CDH22: variants seen among roughly 807,000 people sequenced by gnomAD.
The protein encoded by CDH22 is cadherin 22, also known as cadherin-22.
CDH22 carries 30 observed loss-of-function variants against 58.4 expected under a neutral mutation model. That is an observed-to-expected ratio of 0.51 (90% CI 0.38 to 0.70). The LOEUF (loss-of-function observed/expected upper bound fraction) is 0.70, where lower values mean the gene tolerates loss of function less well. Ranked by LOEUF, CDH22 falls within the 30% of genes least tolerant of loss-of-function variation. CDH22 has a pLI of 0.00. For synonymous variants in CDH22, 513 were observed against 558.2 expected (o/e 0.92, Z 1.14); for missense variants, 1,014 against 1,233.9 (o/e 0.82, Z 2.67).
At chr20:46,291,190 T>A (rs1373463123) in intron 1 of CDH22, among the ~76,000 whole-genome samples, 3 of 152,058 alleles carry the variant, frequency 2.0e-5, no homozygotes, top group Non-Finnish European at 2.9e-5. Context: ...GGTAGGGGAA[T>A]CACTTGAACC....
chr20:46,210,225 C>CCTCCCCT lies in CDH22; in HGVS notation c.1286+75_1286+81dup. Reference sequence around the variant, plus strand: ...CTTCGGCCCTGCCCGCCCCAGCCCTCCTCCCCTCTGCCCGCAGTCTGTCCG... The same window carrying CCTCCCCT: ...CTTCGGCCCTGCCCGCCCCAGCCCTCCTCCCCTCTCCCCTCTGCCCGCAGTCTGTCCG... On this transcript the variant is annotated intron_variant, in intron 7 of 11. Transcript: ENST00000537909. This position sits in a 1 kb window ranked among gnomAD's most constrained non-coding sequence, Gnocchi z 4.5. 7.6e-7 allele frequency: 1 copy of CCTCCCCT among 1,308,442 alleles called. No homozygotes were observed. The highest frequency in any genetic ancestry group is 1.8e-5 in the South Asian group (1 of 54,086). 81.1% of individuals were successfully genotyped at this position (1,308,442 alleles called of 1,614,324 possible). A position where few individuals can be genotyped will look rare whatever the true frequency, so the allele number is the denominator to read the frequency against.
chr20:46,298,829 A>G lies in CDH22; in HGVS notation c.-400+9426T>C, dbSNP rs557121789. On this transcript the variant is annotated intron_variant, in intron 1 of 11. Coordinates refer to ENST00000537909, the MANE Select transcript of CDH22 (RefSeq NM_021248.3). ...CAGACACCAGGCCTGAGACTTTGTC[A>G]TATTTCATTCCACCCTCTCCCTTAT... Among the ~76,000 whole-genome samples the G allele has an allele frequency of 1.1e-4, 16 of 152,258 alleles. No homozygotes were observed. In the South Asian group the frequency reaches 3.3e-3, roughly 32 times the overall value.
At chr20:46,227,831 T>C (rs1413660601) in intron 3 of CDH22, among the ~76,000 whole-genome samples, 1 of 152,170 alleles carries the variant, frequency 6.6e-6, no homozygotes, top group Non-Finnish European at 1.5e-5. Context: ...GGCGCAAGTG[T>C]GACCATGGAG....
intron 1 of CDH22, among the ~76,000 whole-genome samples, chr20:46,290,198 A>G (rs993011079): frequency 6.6e-6 from 1 of 152,186 alleles, no homozygotes; most frequent in Admixed American, 6.5e-5. Flanking sequence ...TATTTATTAG[A>G]TTTTCAAAGC....
At chr20:46,208,886 C>A (rs996322691) in intron 7 of CDH22, among the ~76,000 whole-genome samples, 4 of 152,242 alleles carry the variant, frequency 2.6e-5, no homozygotes, top group Admixed American at 6.5e-5. Flanking sequence ...AGCCACCACA[C>A]CCGGCCTCTA....
intron 11 of CDH22, 74 bp from the exon 12 acceptor site, chr20:46,175,151 T>G (rs1481911351): frequency 3.6e-5 from 50 of 1,393,542 alleles, no homozygotes; most frequent in Middle Eastern, 4.0e-4. Flanking sequence ...CTACCCCATC[T>G]CCTCCCGCCT....
At position 46,197,367 on chromosome 20, in the gene CDH22, C is replaced by T. The variant is rs184972887; in HGVS notation, c.1423+2056G>A. ...TGTTTGTGGAGGAGTACCCCTCCCC[C>T]GATTCTGTCTCCTATGAAATGGCAG... On this transcript the variant is annotated intron_variant, in intron 8 of 11. Coordinates refer to ENST00000537909, the MANE Select transcript of CDH22 (RefSeq NM_021248.3). Among the ~76,000 whole-genome samples the T allele has an allele frequency of 4.0e-5, 6 of 151,844 alleles. No homozygotes were observed. The East Asian group carries it at 9.7e-4, about 24-fold the overall frequency.
intron 1 of CDH22, among the ~76,000 whole-genome samples, chr20:46,301,343 C>T (rs1387539377): frequency 6.6e-6 from 1 of 151,882 alleles, no homozygotes; most frequent in African/African-American, 2.4e-5. Context: ...TTTGTTACAA[C>T]CATTTTCTAG....
At position 46,178,586 on chromosome 20, in the gene CDH22, C is replaced by CTTTTTTTTTTTTTTTTTTT. The variant is rs33937889; in HGVS notation, c.1664-408_1664-390dup. Among the ~76,000 whole-genome samples, 37 of 95,338 alleles carry CTTTTTTTTTTTTTTTTTTT rather than the reference C, an allele frequency of 3.9e-4. 1 individual carries two copies. The highest frequency in any genetic ancestry group is 7.8e-4 in the South Asian group (2 of 2,564). 62.5% of individuals were successfully genotyped at this position (95,338 alleles called of 152,430 possible). A position where few individuals can be genotyped will look rare whatever the true frequency, so the allele number is the denominator to read the frequency against. ...GCCAAGGTCCTGTCCCTGGCGTTGT[C>CTTTTTTTTTTTTTTTTTTT]TTTTTTTTTTTTTTTTTTTTTGCCA... On this transcript the variant is annotated intron_variant, in intron 10 of 11. Coordinates refer to ENST00000537909, the MANE Select transcript of CDH22 (RefSeq NM_021248.3).
chr20:46,177,861 C>T, intron 11 of CDH22, 85 bp downstream of exon 11: 1 of 1,515,790 alleles, frequency 6.6e-7, no homozygotes, highest in Non-Finnish European at 9.0e-7. Flanking sequence ...GAAGCTGAGG[C>T]CCCATGGGGG....
At chr20:46,207,666 C>T (rs983799928) in intron 7 of CDH22, among the ~76,000 whole-genome samples, 6 of 152,156 alleles carry the variant, frequency 3.9e-5, no homozygotes, top group African/African-American at 1.4e-4. Flanking sequence ...CCTCTGAGGC[C>T]CTGTTAGACT....
At chr20:46,179,860 G>A (rs908090593) in intron 10 of CDH22, among the ~76,000 whole-genome samples, 7 of 152,082 alleles carry the variant, frequency 4.6e-5, no homozygotes, top group African/African-American at 7.2e-5. Context: ...TGCTGCACCC[G>A]CTGCCGGCTC....
intron 1 of CDH22, among the ~76,000 whole-genome samples, chr20:46,265,282 A>C (rs2086453864): frequency 6.6e-6 from 1 of 152,152 alleles, no homozygotes; most frequent in Admixed American, 6.5e-5. Context: ...TTCTCCCTCC[A>C]AACCGCCTCC....
In CDH22 at chr20:46,199,479, C is replaced by T; in HGVS notation, c.1367G>A (p.Gly456Glu). 1 of 1,613,982 alleles carries T rather than the reference C, an allele frequency of 6.2e-7. No individual in the cohort carries two copies. The highest frequency in any genetic ancestry group is 8.5e-7 in the Non-Finnish European group (1 of 1,180,014). ...CCAGCCGGCCGTCTCGCGGTCCAGC[C>T]CCTTGCCAGTCACGATGGCGCCTGT... ...ADTGAIVTGK[G>E]LDRETAGWHN... The change falls in exon 8 of 12, where the codon GGG becomes GAG. Residue 456 changes from glycine (G) to glutamate (E), a missense_variant. Gly to Glu is a moderately conservative substitution (Grantham distance 98). Coordinates refer to ENST00000537909, the MANE Select transcript of CDH22 (RefSeq NM_021248.3).
At chr20:46,299,042 A>T (rs1234996619) in intron 1 of CDH22, among the ~76,000 whole-genome samples, 3 of 152,168 alleles carry the variant, frequency 2.0e-5, no homozygotes, top group Non-Finnish European at 4.4e-5. Flanking sequence ...CAACAGCAAG[A>T]TCTTTCTACA....
intron 1 of CDH22, among the ~76,000 whole-genome samples, chr20:46,279,695 T>C (rs1457720831): frequency 6.6e-6 from 1 of 152,152 alleles, no homozygotes; most frequent in East Asian, 1.9e-4. Flanking sequence ...GGGGACCAGA[T>C]TGGAGGTGGT....
intron 7 of CDH22, among the ~76,000 whole-genome samples, chr20:46,205,688 G>A (rs1305744078): frequency 6.6e-6 from 1 of 152,166 alleles, no homozygotes; most frequent in African/African-American, 2.4e-5. Flanking sequence ...GCCCATCTGA[G>A]CACTTTCCTG....
chr20:46,264,824 C>G (rs1160126952), intron 1 of CDH22, among the ~76,000 whole-genome samples: 1 of 152,060 alleles, frequency 6.6e-6, no homozygotes, highest in Non-Finnish European at 1.5e-5. Context: ...TGCACACACA[C>G]ACACACACCA....
chr20:46,266,798 G>A (rs940529411), intron 1 of CDH22, among the ~76,000 whole-genome samples: 5 of 152,104 alleles, frequency 3.3e-5, no homozygotes, highest in African/African-American at 1.2e-4. Flanking sequence ...CAGAGGACAG[G>A]GTCATGCCGG....
Sources: allele counts gnomAD v4.1 joint callset (sites outside exome capture counted in the v4.1 genomes callset), GRCh38; gene constraint gnomAD v4.1.1; non-coding constraint Gnocchi (gnomAD v3.1); transcripts MANE v1.5; gene names NCBI Gene and HGNC (gene_info 2026-07-23, HGNC 2026-07-21).